The following ENTHD1 variants were observed in gnomAD, a reference collection of about 807,000 sequenced individuals.
The protein encoded by ENTHD1 is ENTH domain-containing protein 1.
Under a neutral mutation model 39.1 loss-of-function variants are expected in ENTHD1, and 23 were observed. The ratio of observed to expected loss-of-function variants is 0.59; its 90% CI spans 0.42 to 0.83. The LOEUF is 0.83. Ranked by LOEUF, ENTHD1 falls within the 40% of genes least tolerant of loss-of-function variation. The probability of loss-of-function intolerance (pLI) is 0.00; values close to 1 mark genes in which losing one functional copy is unlikely to be tolerated. For synonymous variants in ENTHD1, 230 were observed against 258.2 expected, an observed-to-expected ratio of 0.89 and a Z score of 1.05; for missense variants, 624 against 705.4, an observed-to-expected ratio of 0.88 and a Z score of 1.31.
At chr22:39,853,534 A>G (rs1399961128) in intron 3 of ENTHD1, among the ~76,000 whole-genome samples, 3 of 152,084 alleles carry the variant, frequency 2.0e-5, no homozygotes, top group African/African-American at 7.2e-5. Flanking sequence ...CTGTCTCAAA[A>G]CAAACAACAA....
intron 2 of ENTHD1, among the ~76,000 whole-genome samples, chr22:39,869,769 A>T (rs1294122191): frequency 2.6e-5 from 4 of 152,080 alleles, no homozygotes; most frequent in Non-Finnish European, 4.4e-5. Flanking sequence ...AAATAAAGAG[A>T]TTAATACATG....
At chr22:39,787,857 A>G (rs1211180457) in intron 5 of ENTHD1, among the ~76,000 whole-genome samples, 1 of 152,234 alleles carries the variant, frequency 6.6e-6, no homozygotes, top group Non-Finnish European at 1.5e-5. Flanking sequence ...GATGGTGGCT[A>G]CACTAAACAA....
At chr22:39,893,067 C>T (rs2066440664) in intron 1 of ENTHD1, 1 of 152,172 alleles carries the variant, frequency 6.6e-6, no homozygotes, top group African/African-American at 2.4e-5. Flanking sequence ...AGCTACTCTT[C>T]ATTGAACGCT....
intron 5 of ENTHD1, among the ~76,000 whole-genome samples, chr22:39,802,721 T>C (rs1328246316): frequency 1.3e-5 from 2 of 152,232 alleles, no homozygotes; most frequent in East Asian, 1.9e-4. Flanking sequence ...GCTCTTCCGA[T>C]GTCCCTCAGT....
chr22:39,838,316 C>A (rs375625855), intron 3 of ENTHD1, among the ~76,000 whole-genome samples: 6 of 152,058 alleles, frequency 3.9e-5, no homozygotes, highest in East Asian at 3.8e-4. Context: ...GTTTCTAATT[C>A]TTTGCTTTTA....
At chr22:39,753,494 C>A (rs2065162295) in intron 6 of ENTHD1, among the ~76,000 whole-genome samples, 1 of 152,178 alleles carries the variant, frequency 6.6e-6, no homozygotes, top group South Asian at 2.1e-4. Flanking sequence ...TATTAGGTGG[C>A]TGCCTTCACT....
chr22:39,803,318 G>A (rs1334654361), intron 5 of ENTHD1, among the ~76,000 whole-genome samples: 2 of 151,784 alleles, frequency 1.3e-5, no homozygotes, highest in East Asian at 3.9e-4. Flanking sequence ...TCCTTTCCAG[G>A]TTTCTTCATC....
chr22:39,754,554 A>G (rs916196781), intron 6 of ENTHD1, among the ~76,000 whole-genome samples: 2 of 152,252 alleles, frequency 1.3e-5, no homozygotes, highest in Non-Finnish European at 2.9e-5. Context: ...CAAAGGCTCA[A>G]TACATCTTAT....
intron 5 of ENTHD1, among the ~76,000 whole-genome samples, chr22:39,780,076 A>G (rs1301537834): frequency 2.6e-5 from 4 of 152,182 alleles, no homozygotes; most frequent in African/African-American, 9.7e-5. Context: ...TTACTTAACA[A>G]TAATAATACT....
At chr22:39,829,790 C>CAATAAATAAATA (rs10657076) in intron 4 of ENTHD1, among the ~76,000 whole-genome samples, 2,087 of 143,366 alleles carry the variant, frequency 0.015, 30 homozygotes, top group Middle Eastern at 0.033. Flanking sequence ...GACTCTGTCT[C>CAATAAATAAATA]AATAAATAAA....
chr22:39,815,546 A>T (rs142738402), intron 5 of ENTHD1, among the ~76,000 whole-genome samples: 4 of 152,322 alleles, frequency 2.6e-5, no homozygotes, highest in Non-Finnish European at 5.9e-5. Context: ...AGCAACTGCA[A>T]CTAGAACTTT....
intron 2 of ENTHD1, among the ~76,000 whole-genome samples, chr22:39,864,850 C>T (rs1036017727): frequency 1.3e-5 from 2 of 152,078 alleles, no homozygotes; most frequent in Admixed American, 6.5e-5. Flanking sequence ...TGAGATTGGG[C>T]CACAGCACTC....
chr22:39,761,249 G>A (rs553477975), intron 6 of ENTHD1, among the ~76,000 whole-genome samples: 138 of 152,186 alleles, frequency 9.1e-4, no homozygotes, highest in African/African-American at 3.1e-3. Context: ...ACACTTAAAA[G>A]ATGACTTTTC....
chr22:39,849,743 G>T (rs1895287583), intron 3 of ENTHD1, among the ~76,000 whole-genome samples: 1 of 152,066 alleles, frequency 6.6e-6, no homozygotes, highest in South Asian at 2.1e-4. Context: ...TGATGTTATA[G>T]CCAGCCATCT....
chr22:39,769,724 C>T (rs2065307245), intron 5 of ENTHD1, among the ~76,000 whole-genome samples: 1 of 152,150 alleles, frequency 6.6e-6, no homozygotes, highest in African/African-American at 2.4e-5. Flanking sequence ...TAATCACTCC[C>T]CCTCCTTTCT....
intron 6 of ENTHD1, 92 bp downstream of exon 6, chr22:39,765,131 A>G (rs1192574125): frequency 5.6e-6 from 8 of 1,438,176 alleles, no homozygotes; most frequent in Non-Finnish European, 7.3e-6. Flanking sequence ...AAAAGGAGAC[A>G]GAAAGCAGAG....
chr22:39,766,719 A>G (rs2065280359), intron 5 of ENTHD1, among the ~76,000 whole-genome samples: 2 of 152,150 alleles, frequency 1.3e-5, no homozygotes, highest in African/African-American at 2.4e-5. Flanking sequence ...TTGGGCTCTG[A>G]GTTATTAAAG....
intron 6 of ENTHD1, among the ~76,000 whole-genome samples, chr22:39,748,963 A>T (rs1263525057): frequency 6.6e-6 from 1 of 152,156 alleles, no homozygotes; most frequent in African/African-American, 2.4e-5. Flanking sequence ...GAGGTATGCT[A>T]AAGTCTGGGA....
rs774599399 is a variant in ENTHD1, at chr22:39,830,232, C to A, written c.711+5608G>T. ...CTGGGATTACAGGTACACACCACCA[C>A]GCCCGGTAATTTTCGTATTTTTAGT... On this transcript the variant is annotated intron_variant, in intron 4 of 6. Coordinates refer to ENST00000325157, the MANE Select transcript of ENTHD1 (RefSeq NM_152512.4). Among the ~76,000 whole-genome samples, 3 of 152,190 alleles carry A rather than the reference C, an allele frequency of 2.0e-5. No homozygotes were observed. The South Asian group carries it at 6.2e-4, about 32-fold the overall frequency.
Sources: gnomAD v4.1 joint callset for allele counts (sites outside exome capture counted in the v4.1 genomes callset) on GRCh38, gnomAD v4.1.1 for gene constraint, MANE v1.5 for transcripts, NCBI Gene and HGNC (gene_info 2026-07-23, HGNC 2026-07-21) for gene names.